The following ATRX variants were observed in gnomAD, a reference collection of about 807,000 sequenced individuals.
The protein encoded by ATRX is ATRX chromatin remodeler.
Under a neutral mutation model 172.6 loss-of-function variants are expected in ATRX, and 12 were observed. The ratio of observed to expected loss-of-function variants is 0.07; its 90% confidence interval spans 0.04 to 0.11. The LOEUF is 0.11. Ranked by LOEUF, ATRX falls within the 10% of genes least tolerant of loss-of-function variation. The pLI is 1.00. For missense variants in ATRX, 1,368 were observed against 1,767.4 expected (o/e 0.77, Z 4.05); for synonymous variants, 674 against 594.7 (o/e 1.13, Z -1.94).
At chrX:77,562,852 A>T (rs887083142) in intron 28 of ATRX, among the ~76,000 whole-genome samples, 3 of 112,073 alleles carry the variant, frequency 2.7e-5, no homozygotes, top group African/African-American at 9.7e-5. Flanking sequence ...CACCTAAATT[A>T]CATTTCCCTA....
chrX:77,583,603 T>C (rs1170185184), intron 27 of ATRX, among the ~76,000 whole-genome samples: 1 of 110,999 alleles, frequency 9.0e-6, no homozygotes, highest in Non-Finnish European at 1.9e-5. Context: ...CATCCCTTTA[T>C]GAAAAAACAC....
intron 30 of ATRX, among the ~76,000 whole-genome samples, chrX:77,538,230 A>AACACACAAACACAC (rs2063827663): frequency 1.0e-5 from 1 of 95,992 alleles, no homozygotes; most frequent in Non-Finnish European, 2.1e-5. Context: ...TACACACACA[A>AACACACAAACACAC]ACACACACAC....
intron 25 of ATRX, 98 bp downstream of exon 25, chrX:77,599,313 T>G (rs1167931511): frequency 4.3e-5 from 41 of 954,585 alleles, no homozygotes; most frequent in Non-Finnish European, 5.8e-5. Flanking sequence ...AAGATTCCTT[T>G]GAGTCAATTA....
intron 1 of ATRX, among the ~76,000 whole-genome samples, chrX:77,749,812 G>A (rs1397065204): frequency 9.0e-6 from 1 of 110,968 alleles, no homozygotes; most frequent in African/African-American, 3.3e-5. Context: ...GTCCAGCCGT[G>A]GACATGAGAC....
At position 77,664,639 on chromosome X, in the gene ATRX, G is replaced by A. The variant is rs2148496156; in HGVS notation, c.3943+6C>T. The A allele has an allele frequency of 8.3e-7, 1 of 1,210,520 alleles. No individual in the cohort carries two copies. Among genetic ancestry groups the A allele is most frequent in the Non-Finnish European group, 1.1e-6 (1 of 894,652 alleles). ...GACATTATAAACTTCTCTCTGGGGA[G>A]CTCACCCTCATCTCCTGGGTTTTCT... On this transcript the variant is annotated splice_donor_region_variant and intron_variant, in intron 11 of 34. Transcript: ENST00000373344.
intron 30 of ATRX, among the ~76,000 whole-genome samples, chrX:77,539,808 T>C (rs782555458): frequency 3.9e-4 from 44 of 112,021 alleles, no homozygotes; most frequent in Non-Finnish European, 6.6e-4. Context: ...TAAGAGCTCC[T>C]GAAGGAAGCA....
chrX:77,662,169 T>C (rs1181483640), intron 12 of ATRX, among the ~76,000 whole-genome samples: 1 of 111,636 alleles, frequency 9.0e-6, no homozygotes, highest in African/African-American at 3.3e-5. Context: ...ATGTCCCTCA[T>C]GGTGCTATAA....
chrX:77,535,342 C>T (rs2063713433), intron 30 of ATRX, among the ~76,000 whole-genome samples: 1 of 111,983 alleles, frequency 8.9e-6, no homozygotes, highest in Admixed American at 9.5e-5. Flanking sequence ...AAAGAAAAGG[C>T]AGGCCTGCCA....
chrX:77,633,659 C>T lies in ATRX; in HGVS notation c.4863G>A (p.Thr1621=), dbSNP rs782108010. The stretch of plus-strand genomic sequence containing the variant: ...TATTAAGAGGACAAACCACTAACGC[C>T]GTGCTGAAATCCAGTTTGTCACACA... The part of the protein sequence containing the change: ...VLLCDKLDFS[T]ALVVCPLNTA... The change falls in exon 18 of 35, where the codon ACG becomes ACA. Residue 1621 remains threonine (T), a synonymous_variant. Coordinates refer to ENST00000373344, the MANE Select transcript of ATRX (RefSeq NM_000489.6). 37 of 1,208,027 alleles carry T rather than the reference C, an allele frequency of 3.1e-5. No homozygotes were observed. The East Asian group carries it at 6.2e-4, about 20-fold the overall frequency.
At chrX:77,659,480 TCTAC>T (rs1426616203) in intron 12 of ATRX, among the ~76,000 whole-genome samples, 15 of 69,125 alleles carry the variant, frequency 2.2e-4, no homozygotes, top group African/African-American at 5.0e-4. Flanking sequence ...TCTTTCTCTC[TCTAC>T]ACACACACAC....
At chrX:77,708,470 G>A (rs1258904836) in intron 2 of ATRX, among the ~76,000 whole-genome samples, 2 of 111,259 alleles carry the variant, frequency 1.8e-5, no homozygotes, top group Non-Finnish European at 3.8e-5. Flanking sequence ...AGACCAGCCC[G>A]GCCAACATGG....
intron 6 of ATRX, among the ~76,000 whole-genome samples, chrX:77,693,581 G>A (rs991313844): frequency 3.6e-5 from 4 of 111,891 alleles, no homozygotes; most frequent in Middle Eastern, 4.2e-3. Flanking sequence ...TAGAACATGT[G>A]GAAGAAGGAA....
At chrX:77,628,197 T>C (rs868994735) in intron 19 of ATRX, among the ~76,000 whole-genome samples, 48 of 112,823 alleles carry the variant, frequency 4.3e-4, no homozygotes, top group African/African-American at 1.4e-3. Context: ...TACATAGATA[T>C]ATCTTATTGC....
In ATRX at chrX:77,700,237, T is replaced by C. The variant is rs540552386; in HGVS notation, c.134-1608A>G. ...AGATATACAGACGCAAATAAGCACA[T>C]GAAAAAATGCTCAACATGTCATTAG... On this transcript the variant is annotated intron_variant, in intron 2 of 34. Transcript: ENST00000373344. Among the ~76,000 whole-genome samples the C allele has an allele frequency of 4.5e-3, 503 of 111,487 alleles. 1 individual carries two copies. The highest frequency in any genetic ancestry group is 0.033 in the Middle Eastern group (7 of 215).
Position 77,563,702 on chromosome X carries a change from CGTGTGTGTGTGTGT to C in ATRX, c.6327-4870_6327-4857del, listed in dbSNP as rs201190876. Among the ~76,000 whole-genome samples, 14 of 95,515 alleles carry C rather than the reference CGTGTGTGTGTGTGT, an allele frequency of 1.5e-4. No individual in the cohort carries two copies. In the East Asian group the frequency reaches 1.7e-3, roughly 11 times the overall value. 82.9% of individuals were successfully genotyped at this position (95,515 alleles called of 115,157 possible). A position where few individuals can be genotyped will look rare whatever the true frequency, so the allele number is the denominator to read the frequency against. On this transcript the variant is annotated intron_variant, in intron 28 of 34. Transcript: ENST00000373344. Reference sequence around the variant, plus strand: ...GGAGTTAAGAACTTGTGTGTACATGCGTGTGTGTGTGTGTGTGTGTGTGTGTGTGTGTGTGTGTA... The same window carrying C: ...GGAGTTAAGAACTTGTGTGTACATGCGTGTGTGTGTGTGTGTGTGTGTGTA...
intron 19 of ATRX, among the ~76,000 whole-genome samples, chrX:77,626,080 T>TATATGA (rs2067836827): frequency 1.8e-5 from 1 of 54,867 alleles, no homozygotes. Flanking sequence ...TATATATATA[T>TATATGA]ATATGATGGA....
In ATRX at chrX:77,683,132, T is replaced by C. The variant is rs782703008; in HGVS notation, c.2124A>G (p.Ile708Met). ...KDKRNSSDSA[I>M]DNPKPNKLPK... is the part of the protein sequence containing the mutation. ...GCAATTTATTAGGCTTAGGATTATC[T>C]ATAGCACTGTCAGAAGAATTACGCT... Residue 708 changes from isoleucine (I) to methionine (M), a missense_variant, in exon 9 of 35, where the codon ATA (isoleucine) becomes ATG (methionine). Ile to Met is a conservative substitution (Grantham distance 10). Around this residue, in one of 17 missense-constraint regions of ATRX, gnomAD observed 843 missense variants for 643.1 expected, o/e 1.31. Transcript: ENST00000373344. 2 of 1,208,971 alleles carry C rather than the reference T, an allele frequency of 1.7e-6. No homozygotes were observed. The highest frequency in any genetic ancestry group is 5.9e-5 in the East Asian group (2 of 33,753).
At chrX:77,671,182 A>ATATATATT (rs2070586827) in intron 10 of ATRX, among the ~76,000 whole-genome samples, 1 of 87,973 alleles carries the variant, frequency 1.1e-5, no homozygotes, top group East Asian at 3.5e-4. Context: ...ATATATATAT[A>ATATATATT]TATATATATA....
At chrX:77,526,130 C>A (rs1410520198) in intron 30 of ATRX, among the ~76,000 whole-genome samples, 2 of 111,467 alleles carry the variant, frequency 1.8e-5, no homozygotes, top group Non-Finnish European at 3.8e-5. Flanking sequence ...CTACCTGGGA[C>A]TGGAAACTAA....
Sources: gnomAD v4.1 joint callset for allele counts (sites outside exome capture counted in the v4.1 genomes callset) on GRCh38, gnomAD v4.1.1 for gene constraint, gnomAD v4.1.1 regional missense constraint, MANE v1.5 for transcripts, NCBI Gene and HGNC (gene_info 2026-07-23, HGNC 2026-07-21) for gene names.